The following TPST1 variants were observed in gnomAD, a reference collection of about 807,000 sequenced individuals.
TPST1 encodes tyrosylprotein sulfotransferase 1.
Under a neutral mutation model 34.8 loss-of-function variants are expected in TPST1, and 20 were observed. The observed-to-expected ratio is 0.57, with a 90% CI of 0.40 to 0.84. The LOEUF (loss-of-function observed/expected upper bound fraction) is 0.84, where lower values mean the gene tolerates loss of function less well. TPST1 is among the 40% of genes least tolerant of loss of function. TPST1 has a pLI of 0.00. For synonymous variants in TPST1, 152 were observed against 159.4 expected, an observed-to-expected ratio of 0.95 and a Z score of 0.35; for missense variants, 353 against 455.5, an observed-to-expected ratio of 0.78 and a Z score of 2.05.
rs536672626 is a variant in TPST1 at position 66,332,676 on chromosome 7, G to C, written c.1045-19829G>C. On this transcript the variant is annotated intron_variant, in intron 3 of 5. Transcript: ENST00000304842. This position sits in a 1 kb window ranked among gnomAD's most constrained non-coding sequence, Gnocchi z 4.5. ...CCATGGACTGAAAATATGTGGGGGG[G>C]AAATGATGCTTACATCTGTACTGAA... Among the ~76,000 whole-genome samples the C allele has an allele frequency of 2.0e-5, 3 of 152,256 alleles. No individual in the cohort carries two copies. Among genetic ancestry groups the C allele is most frequent in the South Asian group, 4.1e-4 (2 of 4,830 alleles).
intron 2 of TPST1, 42 bp downstream of exon 2, chr7:66,241,312 C>G: frequency 1.3e-6 from 2 of 1,558,398 alleles, no homozygotes; most frequent in Non-Finnish European, 1.7e-6. Flanking sequence ...CTATATTTAG[C>G]TAATAATGAT....
intron 3 of TPST1, among the ~76,000 whole-genome samples, chr7:66,316,297 C>T (rs1791632131): frequency 6.6e-6 from 1 of 152,084 alleles, no homozygotes; most frequent in African/African-American, 2.4e-5. Flanking sequence ...AGAATATTAT[C>T]TAAATGATAC....
intron 2 of TPST1, among the ~76,000 whole-genome samples, chr7:66,257,956 A>G (rs1790412359): frequency 6.6e-6 from 1 of 152,246 alleles, no homozygotes; most frequent in African/African-American, 2.4e-5. Flanking sequence ...ATAATAAGCT[A>G]CATTAATAGA....
intron 2 of TPST1, among the ~76,000 whole-genome samples, chr7:66,242,620 A>G (rs1431487809): frequency 2.6e-5 from 4 of 152,212 alleles, no homozygotes; most frequent in African/African-American, 4.8e-5. Context: ...ATAATAGACT[A>G]TAATTGATTT....
intron 1 of TPST1, among the ~76,000 whole-genome samples, chr7:66,223,458 CAAAAAAA>C (rs34400889): frequency 2.7e-4 from 16 of 59,246 alleles, no homozygotes; most frequent in Non-Finnish European, 2.2e-4. Flanking sequence ...GACCCTGTCT[CAAAAAAA>C]AAAAAAAAAA....
At chr7:66,358,430 A>G (rs924055146) in intron 5 of TPST1, among the ~76,000 whole-genome samples, 1 of 151,682 alleles carries the variant, frequency 6.6e-6, no homozygotes, top group African/African-American at 2.4e-5. Context: ...TTGCATATAT[A>G]TAAGATGATA....
intron 2 of TPST1, among the ~76,000 whole-genome samples, chr7:66,271,124 A>G (rs549497944): frequency 6.6e-5 from 10 of 151,978 alleles, no homozygotes; most frequent in Non-Finnish European, 1.3e-4. Flanking sequence ...ATATGTTTCT[A>G]TCTGTTGCAA....
intron 1 of TPST1, among the ~76,000 whole-genome samples, chr7:66,207,065 C>T (rs920455774): frequency 6.6e-6 from 1 of 152,156 alleles, no homozygotes; most frequent in African/African-American, 2.4e-5. Flanking sequence ...CACCTTTGCT[C>T]TGATGGTCTC....
intron 1 of TPST1, among the ~76,000 whole-genome samples, chr7:66,215,922 G>A (rs532260101): frequency 5.3e-5 from 8 of 151,220 alleles, no homozygotes; most frequent in East Asian, 2.0e-4. Context: ...ACAGGCGCCC[G>A]CCACGACGGC....
chr7:66,237,851 G>A (rs150380943), intron 1 of TPST1, among the ~76,000 whole-genome samples: 41 of 152,176 alleles, frequency 2.7e-4, no homozygotes, highest in African/African-American at 8.2e-4. Flanking sequence ...TCTTGTTCCC[G>A]GACCAAACTG....
chr7:66,208,828 C>T (rs1789185371), intron 1 of TPST1, among the ~76,000 whole-genome samples: 1 of 152,064 alleles, frequency 6.6e-6, no homozygotes, highest in Non-Finnish European at 1.5e-5. Flanking sequence ...GAGAGTGAAC[C>T]CTTTAAGAGA....
intron 1 of TPST1, among the ~76,000 whole-genome samples, chr7:66,207,956 CCTCTCTTCATAACATCTTTTTTTTTT>C (rs1299906788): frequency 1.3e-5 from 2 of 151,196 alleles, no homozygotes; most frequent in Non-Finnish European, 3.0e-5. Context: ...CTTTTTTTTT[CCTCTCTTCATAACATCTTTTTTTTTT>C]CTCTCTCTTC....
intron 2 of TPST1, among the ~76,000 whole-genome samples, chr7:66,243,984 T>C (rs1314106275): frequency 1.3e-5 from 2 of 150,776 alleles, no homozygotes; most frequent in Non-Finnish European, 3.0e-5. Context: ...AGTCTTGCTC[T>C]GTCGCCCAGG....
At chr7:66,331,177 C>G (rs1791988806) in intron 3 of TPST1, among the ~76,000 whole-genome samples, 1 of 152,160 alleles carries the variant, frequency 6.6e-6, no homozygotes, top group Non-Finnish European at 1.5e-5. Context: ...ATGCAGCTGG[C>G]CTACCTCAGA....
intron 4 of TPST1, 60 bp from the exon 5 acceptor site, chr7:66,356,765 G>C: frequency 1.2e-6 from 2 of 1,609,474 alleles, no homozygotes; most frequent in Non-Finnish European, 1.7e-6. Context: ...AGTGGGGACG[G>C]TCACTTCTCA....
chr7:66,246,477 G>A (rs1790152907), intron 2 of TPST1, among the ~76,000 whole-genome samples: 2 of 152,168 alleles, frequency 1.3e-5, no homozygotes, highest in Admixed American at 1.3e-4. Flanking sequence ...ATTTCAAAGT[G>A]TGTCAGGGAA....
intron 1 of TPST1, among the ~76,000 whole-genome samples, chr7:66,224,284 T>A (rs952071489): frequency 1.3e-5 from 2 of 152,210 alleles, no homozygotes; most frequent in Admixed American, 1.3e-4. Context: ...AAGCATGTGA[T>A]AAAATTATTT....
chr7:66,246,201 T>C (rs1264197514), intron 2 of TPST1, among the ~76,000 whole-genome samples: 2 of 84,330 alleles, frequency 2.4e-5, no homozygotes, highest in East Asian at 2.6e-4. Context: ...TTTTTTTTTT[T>C]TTTTTTTGGT....
intron 3 of TPST1, among the ~76,000 whole-genome samples, chr7:66,327,248 A>T (rs1479789194): frequency 6.6e-6 from 1 of 152,246 alleles, no homozygotes; most frequent in African/African-American, 2.4e-5. Flanking sequence ...AAAGTTTGTC[A>T]GAAACTAAGG....
Sources: allele counts gnomAD v4.1 joint callset (sites outside exome capture counted in the v4.1 genomes callset), GRCh38; gene constraint gnomAD v4.1.1; non-coding constraint Gnocchi (gnomAD v3.1); transcripts MANE v1.5; gene names NCBI Gene and HGNC (gene_info 2026-07-23, HGNC 2026-07-21).